Variants in GRK5 observed in about 807,000 individuals in gnomAD.
The protein encoded by GRK5 is g protein-coupled receptor kinase GRK5.
Under a neutral mutation model 78.4 loss-of-function variants are expected in GRK5, and 40 were observed. The ratio of observed to expected loss-of-function variants is 0.51; its 90% CI spans 0.40 to 0.66. GRK5 has a LOEUF of 0.66. Among genes scored for constraint, GRK5 ranks in the 30% least tolerant of loss-of-function variants. The pLI, the probability that GRK5 is intolerant of heterozygous loss-of-function variation, is 0.00. For missense variants in GRK5, 598 were observed against 759.9 expected (o/e 0.79, Z 2.50); for synonymous variants, 289 against 296.8 (o/e 0.97, Z 0.27).
At chr10:119,362,511 G>C (rs986177200) in intron 2 of GRK5, among the ~76,000 whole-genome samples, 2 of 152,224 alleles carry the variant, frequency 1.3e-5, no homozygotes. Flanking sequence ...GAGCCTTCCT[G>C]CATCTAAACT....
At chr10:119,377,299 TA>T in intron 2 of GRK5, among the ~76,000 whole-genome samples, 1 of 152,362 alleles carries the variant, frequency 6.6e-6, no homozygotes, top group Non-Finnish European at 1.5e-5. Flanking sequence ...AGAAGCAACC[TA>T]TACCTCGGGT....
intron 8 of GRK5, among the ~76,000 whole-genome samples, chr10:119,436,101 A>G (rs872462): frequency 3.9e-5 from 6 of 152,164 alleles, no homozygotes; most frequent in Non-Finnish European, 8.8e-5. Context: ...CATGGGAATT[A>G]TGGGAGTACA....
At chr10:119,216,954 AC>A (rs974585327) in intron 1 of GRK5, among the ~76,000 whole-genome samples, 10 of 152,162 alleles carry the variant, frequency 6.6e-5, no homozygotes, top group Admixed American at 4.6e-4. Context: ...TTAAAAAAAA[AC>A]ATAAAAATAA....
At chr10:119,230,407 G>A (rs1030365071) in intron 1 of GRK5, among the ~76,000 whole-genome samples, 4 of 152,110 alleles carry the variant, frequency 2.6e-5, no homozygotes, top group Admixed American at 6.5e-5. Flanking sequence ...ACAGTTCTAC[G>A]TGGCTGGGAG....
chr10:119,233,492 G>C (rs1395992187), intron 1 of GRK5, among the ~76,000 whole-genome samples: 2 of 152,290 alleles, frequency 1.3e-5, no homozygotes, highest in South Asian at 4.1e-4. Flanking sequence ...GGCATAGCAC[G>C]ATGTTGAATC....
chr10:119,208,197 C>T (rs1848422424), intron 1 of GRK5, among the ~76,000 whole-genome samples: 1 of 152,266 alleles, frequency 6.6e-6, no homozygotes, highest in Non-Finnish European at 1.5e-5. Context: ...TGGATGCTAA[C>T]ATATCTCCTA....
At chr10:119,256,324 C>T (rs983029012) in intron 1 of GRK5, among the ~76,000 whole-genome samples, 6 of 152,278 alleles carry the variant, frequency 3.9e-5, no homozygotes, top group East Asian at 1.9e-4. Context: ...TGGGAGGGGG[C>T]GTGAAACCAG....
chr10:119,413,940 C>T (rs943992941), intron 4 of GRK5, among the ~76,000 whole-genome samples: 5 of 152,156 alleles, frequency 3.3e-5, no homozygotes, highest in South Asian at 2.1e-4. Context: ...CAGATCCCCT[C>T]GAGGAGGGTC....
At chr10:119,446,043 C>A (rs1455080390) in intron 12 of GRK5, among the ~76,000 whole-genome samples, 1 of 152,084 alleles carries the variant, frequency 6.6e-6, no homozygotes, top group African/African-American at 2.4e-5. Flanking sequence ...TGGGCCTTAG[C>A]CCCCCTCCAG....
intron 1 of GRK5, among the ~76,000 whole-genome samples, chr10:119,232,355 G>A (rs1374076886): frequency 1.3e-5 from 2 of 152,178 alleles, no homozygotes; most frequent in Non-Finnish European, 2.9e-5. Context: ...ATAGAGAAAG[G>A]TTTGTTTAAC....
rs79818816 is a variant in GRK5, at chr10:119,391,083, C to G, written c.262-5612C>G. On this transcript the variant is annotated intron_variant, in intron 3 of 15. Transcript: ENST00000392870. ...TGGTACCTCAGGAAATCTGGAGTTG[C>G]TCCTACCACTTTCATTCTCCACCCA... Among the ~76,000 whole-genome samples, 9 of 152,382 alleles carry G rather than the reference C, an allele frequency of 5.9e-5. No individual in the cohort carries two copies. The East Asian group carries it at 1.2e-3, about 20-fold the overall frequency.
chr10:119,259,053 CTCTT>C (rs968634743), intron 1 of GRK5, among the ~76,000 whole-genome samples: 44 of 143,772 alleles, frequency 3.1e-4, no homozygotes, highest in African/African-American at 8.9e-4. Context: ...ATGACACTCC[CTCTT>C]TCTTTTTCTT....
chr10:119,453,888 T>G (rs1461446094), intron 15 of GRK5, among the ~76,000 whole-genome samples: 4 of 152,130 alleles, frequency 2.6e-5, no homozygotes, highest in African/African-American at 9.7e-5. Context: ...GAAATGACAC[T>G]TAGAGCCTGG....
intron 1 of GRK5, among the ~76,000 whole-genome samples, chr10:119,246,036 A>AG (rs1332665940): frequency 1.3e-5 from 2 of 150,824 alleles, no homozygotes; most frequent in Non-Finnish European, 3.0e-5. Flanking sequence ...AAAAAAAAAA[A>AG]AAAAAAAAAG....
chr10:119,354,294 T>C (rs1002759991), intron 2 of GRK5, among the ~76,000 whole-genome samples: 3 of 152,020 alleles, frequency 2.0e-5, no homozygotes, highest in African/African-American at 7.2e-5. Context: ...AGATTTCCAG[T>C]GTACAGTACG....
At position 119,424,987 on chromosome 10, in the gene GRK5, C is replaced by A. The variant is rs371826281; in HGVS notation, c.441-6C>A. On this transcript the variant is annotated splice_polypyrimidine_tract_variant and splice_region_variant and intron_variant, in intron 5 of 15. Transcript: ENST00000392870. ...AATGTTCATCCTCTTGTTCCATCTGCACTAGGTCTGTCCACGAGTACCTGA... is the reference window on the plus strand; with the variant it reads ...AATGTTCATCCTCTTGTTCCATCTGAACTAGGTCTGTCCACGAGTACCTGA... 7.5e-6 allele frequency: 12 copies of A among 1,590,760 alleles called. No individual in the cohort carries two copies. In the South Asian group the frequency reaches 1.1e-4, roughly 15 times the overall value.
At chr10:119,319,050 A>G (rs546920169) in intron 1 of GRK5, among the ~76,000 whole-genome samples, 50 of 152,268 alleles carry the variant, frequency 3.3e-4, no homozygotes, top group African/African-American at 1.2e-3. Context: ...TCTGCCTTCC[A>G]TCAGGCACTC....
At chr10:119,331,133 G>A (rs560122841) in intron 2 of GRK5, among the ~76,000 whole-genome samples, 6 of 152,240 alleles carry the variant, frequency 3.9e-5, no homozygotes, top group Admixed American at 6.5e-5. Context: ...CCACCCCCCC[G>A]CCGCGACCAT....
chr10:119,356,757 C>T (rs1851267982), intron 2 of GRK5, among the ~76,000 whole-genome samples: 1 of 152,224 alleles, frequency 6.6e-6, no homozygotes, highest in South Asian at 2.1e-4. Context: ...CTTCTGTATG[C>T]TTCAGTCTCT....
Sources: gnomAD v4.1 joint callset for allele counts (sites outside exome capture counted in the v4.1 genomes callset) on GRCh38, gnomAD v4.1.1 for gene constraint, MANE v1.5 for transcripts, NCBI Gene and HGNC (gene_info 2026-07-23, HGNC 2026-07-21) for gene names.